PLXNA2: variants seen among roughly 807,000 people sequenced by gnomAD.
PLXNA2 encodes the protein plexin A2.
Under a neutral mutation model 193.5 loss-of-function variants are expected in PLXNA2, and 91 were observed. The ratio of observed to expected loss-of-function variants is 0.47; its 90% CI spans 0.40 to 0.56. The LOEUF (loss-of-function observed/expected upper bound fraction) is 0.56, where lower values mean the gene tolerates loss of function less well. Ranked by LOEUF, PLXNA2 falls within the 20% of genes least tolerant of loss-of-function variation. The probability of loss-of-function intolerance (pLI) is 0.00; values close to 1 mark genes in which losing one functional copy is unlikely to be tolerated. For synonymous variants in PLXNA2, 997 were observed against 1,027.3 expected, an observed-to-expected ratio of 0.97 and a Z score of 0.56; for missense variants, 1,995 against 2,503.2, an observed-to-expected ratio of 0.80 and a Z score of 4.33.
At chr1:208,116,239 G>C (rs946680376) in intron 4 of PLXNA2, among the ~76,000 whole-genome samples, 3 of 152,198 alleles carry the variant, frequency 2.0e-5, no homozygotes, top group Non-Finnish European at 2.9e-5. Flanking sequence ...GAATCTGACT[G>C]CCTGCCCAAT....
intron 22 of PLXNA2, among the ~76,000 whole-genome samples, chr1:208,040,844 GC>G (rs1480200311): frequency 1.3e-5 from 2 of 152,184 alleles, no homozygotes; most frequent in East Asian, 3.9e-4. Context: ...GCAAGGGCTG[GC>G]CCCCCTCCCC....
chr1:208,227,156 T>A (rs1324754098), intron 1 of PLXNA2, among the ~76,000 whole-genome samples: 1 of 152,170 alleles, frequency 6.6e-6, no homozygotes, highest in Non-Finnish European at 1.5e-5. Flanking sequence ...CCAAGCCAAG[T>A]CAAGATTCAT....
At chr1:208,135,835 C>T (rs1163367663) in intron 4 of PLXNA2, among the ~76,000 whole-genome samples, 3 of 152,166 alleles carry the variant, frequency 2.0e-5, no homozygotes, top group Non-Finnish European at 2.9e-5. Flanking sequence ...TCATGGACCA[C>T]ACGCATCAGA....
At chr1:208,099,575 T>C (rs1007948324) in intron 5 of PLXNA2, among the ~76,000 whole-genome samples, 4 of 152,032 alleles carry the variant, frequency 2.6e-5, no homozygotes, top group African/African-American at 7.2e-5. Flanking sequence ...TTATTTTTGT[T>C]TGTTTGTTTT....
In PLXNA2 at chr1:208,079,456, AAG is replaced by A. The variant is rs771833851; in HGVS notation, c.2396-8_2396-7del. On this transcript the variant is annotated splice_polypyrimidine_tract_variant and splice_region_variant and intron_variant, in intron 11 of 31. Coordinates refer to ENST00000367033, the MANE Select transcript of PLXNA2 (RefSeq NM_025179.4). The stretch of plus-strand genomic sequence containing the variant: ...TGCACACTTGTAGAGATGGACTGCA[AAG>A]AGAGCAGGTGGTCACAGATGAAACC... The A allele has an allele frequency of 9.6e-6, 15 of 1,567,280 alleles. No individual in the cohort carries two copies. In the Admixed American group the frequency reaches 2.4e-4, roughly 25 times the overall value.
chr1:208,149,477 G>A (rs1253106144), intron 3 of PLXNA2, among the ~76,000 whole-genome samples: 1 of 151,790 alleles, frequency 6.6e-6, no homozygotes, highest in Non-Finnish European at 1.5e-5. Flanking sequence ...TGTATGTATG[G>A]TGTGTGTAAG....
chr1:208,151,560 A>T (rs1453966094), intron 3 of PLXNA2, among the ~76,000 whole-genome samples: 1 of 152,198 alleles, frequency 6.6e-6, no homozygotes, highest in Non-Finnish European at 1.5e-5. Context: ...CAAGGAAACT[A>T]GCACTTCCTG....
intron 12 of PLXNA2, among the ~76,000 whole-genome samples, chr1:208,067,516 A>G (rs1665837759): frequency 6.6e-6 from 1 of 152,156 alleles, no homozygotes. Flanking sequence ...ACTCACCCAG[A>G]GCAACTTCCA....
Position 208,079,337 on chromosome 1 carries a change from G to A in PLXNA2, c.2509C>T (p.His837Tyr), listed in dbSNP as rs1230477260. ...CAGGGGCTGGAAGGGCTGGTACAGT[G>A]CTGGTGGAGGGTGCACCTGCGCTCG... Reference protein sequence around the residue: ...SGERRCTLHQHCTSPSSPWLD... With the variant: ...SGERRCTLHQYCTSPSSPWLD... Residue 837 changes from histidine (H) to tyrosine (Y), a missense_variant, in exon 12 of 32, where the codon CAC becomes TAC. Around this residue, in one of 3 missense-constraint regions of PLXNA2, gnomAD observed 1,291 missense variants for 1,673.6 expected, o/e 0.77. Coordinates refer to ENST00000367033, the MANE Select transcript of PLXNA2 (RefSeq NM_025179.4). 6.2e-7 allele frequency: 1 copy of A among 1,614,056 alleles called. No homozygotes were observed. Among genetic ancestry groups the A allele is most frequent in the Non-Finnish European group, 8.5e-7 (1 of 1,179,940 alleles).
At chr1:208,122,872 A>G (rs547974773) in intron 4 of PLXNA2, among the ~76,000 whole-genome samples, 74 of 152,314 alleles carry the variant, frequency 4.9e-4, no homozygotes, top group Non-Finnish European at 8.1e-4. Flanking sequence ...ATAGCCAGAC[A>G]ATTAGGACAT....
intron 17 of PLXNA2, among the ~76,000 whole-genome samples, chr1:208,048,569 G>A (rs1360691938): frequency 6.6e-6 from 1 of 152,210 alleles, no homozygotes; most frequent in Non-Finnish European, 1.5e-5. Flanking sequence ...CATGGTGCAT[G>A]GGGCTGGAGG....
chr1:208,122,840 C>G (rs1211439902), intron 4 of PLXNA2, among the ~76,000 whole-genome samples: 2 of 152,058 alleles, frequency 1.3e-5, no homozygotes, highest in Admixed American at 1.3e-4. Context: ...TGGTGGTTGC[C>G]AGGGGAAGGA....
chr1:208,117,014 T>C (rs1047534704), intron 4 of PLXNA2, among the ~76,000 whole-genome samples: 3 of 151,972 alleles, frequency 2.0e-5, no homozygotes, highest in Admixed American at 2.0e-4. Flanking sequence ...TCTACAAAAA[T>C]ACAAAAATTA....
At chr1:208,238,971 GC>G (rs1671955783) in intron 1 of PLXNA2, among the ~76,000 whole-genome samples, 3 of 152,246 alleles carry the variant, frequency 2.0e-5, no homozygotes, top group South Asian at 2.1e-4. Flanking sequence ...GTTGGGGCAG[GC>G]CTCTCCGGAG....
chr1:208,096,200 T>C (rs1666880936), intron 7 of PLXNA2, 75 bp from the exon 8 acceptor site: 1 of 1,131,230 alleles, frequency 8.8e-7, no homozygotes, highest in Non-Finnish European at 1.3e-6. Flanking sequence ...AAAAATAAAA[T>C]GTAAGTCATG....
At chr1:208,067,936 C>G (rs965770400) in intron 12 of PLXNA2, among the ~76,000 whole-genome samples, 1 of 152,142 alleles carries the variant, frequency 6.6e-6, no homozygotes, top group Non-Finnish European at 1.5e-5. Flanking sequence ...TGTCCACTGA[C>G]AAATGCCTAC....
intron 4 of PLXNA2, among the ~76,000 whole-genome samples, chr1:208,124,016 C>T (rs1003517333): frequency 2.6e-5 from 4 of 152,166 alleles, no homozygotes; most frequent in African/African-American, 4.8e-5. Context: ...TCTGCACTGA[C>T]GTCTACCAAC....
At chr1:208,071,326 G>A (rs554766694) in intron 12 of PLXNA2, among the ~76,000 whole-genome samples, 26 of 152,336 alleles carry the variant, frequency 1.7e-4, no homozygotes, top group African/African-American at 5.8e-4. Flanking sequence ...CAGGACCAAC[G>A]AGTGAGGACA....
At position 208,162,840 on chromosome 1, in the gene PLXNA2, C is replaced by T. The variant is rs1250764687; in HGVS notation, c.1372-20377G>A. On this transcript the variant is annotated intron_variant, in intron 3 of 31. Transcript: ENST00000367033. ...GCCAGGTTTTGAGCTCAAATAATCCCACTCCAAAGTCTGTGACATTCACCA... is the reference window on the plus strand; with the variant it reads ...GCCAGGTTTTGAGCTCAAATAATCCTACTCCAAAGTCTGTGACATTCACCA... Among the ~76,000 whole-genome samples, 3 of 152,268 alleles carry T rather than the reference C, an allele frequency of 2.0e-5. No homozygotes were observed. In the East Asian group the frequency reaches 5.8e-4, roughly 29 times the overall value.
Sources: gnomAD v4.1 joint callset for allele counts (sites outside exome capture counted in the v4.1 genomes callset) on GRCh38, gnomAD v4.1.1 for gene constraint, gnomAD v4.1.1 regional missense constraint, MANE v1.5 for transcripts, NCBI Gene and HGNC (gene_info 2026-07-23, HGNC 2026-07-21) for gene names.